BAZ1A: variants seen among roughly 807,000 people sequenced by gnomAD.
BAZ1A encodes the protein bromodomain adjacent to zinc finger domain protein 1A.
A neutral mutation model predicts 185.2 loss-of-function variants in BAZ1A; 50 were observed. The ratio of observed to expected loss-of-function variants is 0.27; its 90% CI spans 0.22 to 0.34. The LOEUF (loss-of-function observed/expected upper bound fraction) is 0.34, where lower values mean the gene tolerates loss of function less well. BAZ1A is among the 10% of genes least tolerant of loss of function. The probability of loss-of-function intolerance (pLI) is 1.00; values close to 1 mark genes in which losing one functional copy is unlikely to be tolerated. For missense variants in BAZ1A, 1,356 were observed against 1,839.9 expected (o/e 0.74, Z 4.81); for synonymous variants, 571 against 615.6 (o/e 0.93, Z 1.07).
At chr14:34,803,872 G>C (rs1313407079) in intron 6 of BAZ1A, among the ~76,000 whole-genome samples, 2 of 152,086 alleles carry the variant, frequency 1.3e-5, no homozygotes, top group Non-Finnish European at 2.9e-5. Flanking sequence ...TTTAAACAAA[G>C]AATTTAAGTT....
At chr14:34,866,302 G>A (rs1202747571) in intron 2 of BAZ1A, among the ~76,000 whole-genome samples, 2 of 151,012 alleles carry the variant, frequency 1.3e-5, no homozygotes, top group African/African-American at 4.9e-5. Flanking sequence ...TGGGTGACAC[G>A]GCAAAACCCA....
chr14:34,824,032 T>C (rs1011292828), intron 4 of BAZ1A, among the ~76,000 whole-genome samples: 1 of 151,956 alleles, frequency 6.6e-6, no homozygotes, highest in African/African-American at 2.4e-5. Context: ...CTATATTTAA[T>C]GGAAGACATG....
rs1223702696 is a variant in BAZ1A, at chr14:34,785,886, T to C, written c.1722A>G (p.Gln574=). ...CTGTAGCATCAAATCCTCCTCGTTT[T>C]TGATATCTATACTTTGCATTTGCTG... The part of the protein sequence containing the change: ...VTSANAKYRY[Q]KRGGFDATDD... The change falls in exon 14 of 27, where the codon CAA becomes CAG. Residue 574 remains glutamine (Q), a synonymous_variant. Transcript: ENST00000360310. The C allele has an allele frequency of 6.2e-7, 1 of 1,614,034 alleles. No homozygotes were observed. The highest frequency in any genetic ancestry group is 2.2e-5 in the East Asian group (1 of 44,892).
At chr14:34,787,077 A>G (rs1229875744) in intron 12 of BAZ1A, among the ~76,000 whole-genome samples, 2 of 152,038 alleles carry the variant, frequency 1.3e-5, no homozygotes, top group Non-Finnish European at 2.9e-5. Context: ...TTTCCAGGCC[A>G]AGTGCGGTGG....
At chr14:34,857,208 G>A (rs1200411) in intron 3 of BAZ1A, among the ~76,000 whole-genome samples, 133,658 of 151,762 alleles carry the variant, frequency 0.88, 59,564 homozygotes, top group Non-Finnish European at 0.96. Context: ...GGGTTTCACC[G>A]TGTTAGCCAG....
At chr14:34,818,957 C>T (rs187059007) in intron 4 of BAZ1A, among the ~76,000 whole-genome samples, 12 of 151,548 alleles carry the variant, frequency 7.9e-5, no homozygotes, top group South Asian at 2.1e-4. Context: ...CTGGCTAATC[C>T]GGTGAAACCC....
At position 34,862,303 on chromosome 14, in the gene BAZ1A, T is replaced by G; in HGVS notation, c.133A>C (p.Ile45Leu). 6.2e-7 allele frequency: 1 copy of G among 1,601,214 alleles called. No homozygotes were observed. ...CTCCACACAAGGCTGTTGCACAGAA[T>G]GGTTCGTTCAAAAAAGTCACTGATT... ...RHYDDFFERT[I>L]LCNSLVWSCA... Residue 45 changes from isoleucine to leucine, a missense_variant, in exon 3 of 27, where the codon ATT (isoleucine) becomes CTT (leucine). Coordinates refer to ENST00000360310, the MANE Select transcript of BAZ1A (RefSeq NM_013448.3).
chr14:34,838,838 T>G (rs1254011709), intron 3 of BAZ1A, among the ~76,000 whole-genome samples: 1 of 152,132 alleles, frequency 6.6e-6, no homozygotes, highest in Non-Finnish European at 1.5e-5. Flanking sequence ...AAACAATTAT[T>G]TTACAACTAC....
At chr14:34,843,613 C>A (rs375958715) in intron 3 of BAZ1A, among the ~76,000 whole-genome samples, 1 of 152,122 alleles carries the variant, frequency 6.6e-6, no homozygotes, top group African/African-American at 2.4e-5. Flanking sequence ...CTGATTTAGG[C>A]CACTAACTTT....
rs567297731 is a variant in BAZ1A, at chr14:34,861,548, CAATA to C, written c.392+492_392+495del. On this transcript the variant is annotated intron_variant, in intron 3 of 26. Transcript: ENST00000360310. ...GTTTTGTTAAATAAAACACTAAAAC[CAATA>C]AATAAATACTGGCATATTTAAACTA... is the stretch of plus-strand genomic sequence containing the variant. 5.6e-3 allele frequency among the ~76,000 whole-genome samples: 847 copies of C among 152,094 alleles called. 7 individuals carry two copies. The highest frequency in any genetic ancestry group is 0.02 in the African/African-American group (814 of 41,500).
intron 11 of BAZ1A, among the ~76,000 whole-genome samples, chr14:34,793,245 A>G (rs1880964523): frequency 6.6e-6 from 1 of 152,190 alleles, no homozygotes; most frequent in Admixed American, 6.5e-5. Context: ...AATCTGAACA[A>G]TGCAAATATT....
At chr14:34,755,083 C>A (rs926914794) in intron 25 of BAZ1A, among the ~76,000 whole-genome samples, 169 bp from the exon 26 acceptor site, 6 of 151,872 alleles carry the variant, frequency 4.0e-5, no homozygotes, top group African/African-American at 1.2e-4. Context: ...ATAGATGTGT[C>A]TATACAGATA....
intron 12 of BAZ1A, among the ~76,000 whole-genome samples, chr14:34,789,133 A>C (rs1051721551): frequency 6.6e-6 from 1 of 152,170 alleles, no homozygotes; most frequent in African/African-American, 2.4e-5. Flanking sequence ...AATTTCATCA[A>C]TGTTCATTTT....
At chr14:34,766,272 G>A (rs984682126) in intron 21 of BAZ1A, among the ~76,000 whole-genome samples, 3 of 152,226 alleles carry the variant, frequency 2.0e-5, no homozygotes, top group African/African-American at 7.2e-5. Flanking sequence ...TTAGTGCACT[G>A]TATAGCTCCC....
Position 34,776,003 on chromosome 14 carries a change from C to A in BAZ1A, c.2749G>T (p.Ala917Ser). The change falls in exon 18 of 27, where the codon GCC (alanine) becomes TCC (serine). Residue 917 changes from alanine to serine, a missense_variant. By Grantham distance (99) the Ala-to-Ser change is moderately conservative. Around this residue, in one of 7 missense-constraint regions of BAZ1A, gnomAD observed 434 missense variants for 561.7 expected, o/e 0.77. Transcript: ENST00000360310. ...ALNSRGHRES[A>S]LKETLLQEKS... The stretch of plus-strand genomic sequence containing the variant: ...TCTTGTAACAAAGTTTCTTTTAAGG[C>A]ACTTTCTCTATGTCCTCTAGAATTA... 1 of 1,614,094 alleles carries A rather than the reference C, an allele frequency of 6.2e-7. No individual in the cohort carries two copies. Among genetic ancestry groups the A allele is most frequent in the Non-Finnish European group, 8.5e-7 (1 of 1,179,942 alleles).
At chr14:34,825,870 G>A (rs1341754401) in intron 4 of BAZ1A, 143 bp downstream of exon 4, 30 of 725,192 alleles carry the variant, frequency 4.1e-5, no homozygotes, top group Non-Finnish European at 3.5e-5. Context: ...CCTGGGAGGT[G>A]GAAGTTGCAG....
chr14:34,803,019 A>G (rs1594856445), intron 6 of BAZ1A, 31 bp from the exon 7 acceptor site: 4 of 1,576,552 alleles, frequency 2.5e-6, no homozygotes, highest in Non-Finnish European at 3.5e-6. Context: ...GGGTACAATA[A>G]TAACACATTA....
At position 34,874,282 on chromosome 14, in the gene BAZ1A, AC is replaced by A; in HGVS notation, c.113+209del. On this transcript the variant is annotated intron_variant, in intron 2 of 26. Transcript: ENST00000360310. The surrounding 1 kb of genome is among the most constrained non-coding windows in gnomAD (Gnocchi z 4.7). ...GACCCAGCCTCCTCCGCCACTACCA[AC>A]CCGCGTTCCCCACGCGCGCCGCCGC... 1.9e-6 allele frequency: 1 copy of A among 534,104 alleles called. No individual in the cohort carries two copies. The highest frequency in any genetic ancestry group is 3.3e-6 in the Non-Finnish European group (1 of 302,212). 33.1% of individuals were successfully genotyped at this position (534,104 alleles called of 1,614,324 possible).
chr14:34,853,471 A>G (rs747404252), intron 3 of BAZ1A, among the ~76,000 whole-genome samples: 23 of 152,176 alleles, frequency 1.5e-4, no homozygotes, highest in Non-Finnish European at 3.2e-4. Context: ...CACCTAAGCT[A>G]TACTTGTAAA....
Sources: allele counts gnomAD v4.1 joint callset (sites outside exome capture counted in the v4.1 genomes callset), GRCh38; gene constraint gnomAD v4.1.1; regional missense constraint gnomAD v4.1.1; non-coding constraint Gnocchi (gnomAD v3.1); transcripts MANE v1.5; gene names NCBI Gene and HGNC (gene_info 2026-07-23, HGNC 2026-07-21).